Variants in CTNND2 observed in about 807,000 individuals in gnomAD.
CTNND2 encodes the protein catenin delta 2, also known as catenin delta-2.
Under a neutral mutation model 144.4 loss-of-function variants are expected in CTNND2, and 22 were observed. The observed-to-expected ratio is 0.15, with a 90% CI of 0.11 to 0.22. The LOEUF (loss-of-function observed/expected upper bound fraction) is 0.22, where lower values mean the gene tolerates loss of function less well. Ranked by LOEUF, CTNND2 falls within the 10% of genes least tolerant of loss-of-function variation. The pLI is 1.00. For synonymous variants in CTNND2, 751 were observed against 695.6 expected, an observed-to-expected ratio of 1.08 and a Z score of -1.25; for missense variants, 1,353 against 1,618.8, an observed-to-expected ratio of 0.84 and a Z score of 2.82.
chr5:11,419,801 T>C (rs1762221236), intron 3 of CTNND2, among the ~76,000 whole-genome samples: 2 of 152,242 alleles, frequency 1.3e-5, no homozygotes, highest in African/African-American at 2.4e-5. Flanking sequence ...TTACTAGAGA[T>C]ATTCCATCTG....
At chr5:11,861,517 T>A (rs1348138232) in intron 1 of CTNND2, among the ~76,000 whole-genome samples, 1 of 152,180 alleles carries the variant, frequency 6.6e-6, no homozygotes, top group Non-Finnish European at 1.5e-5. Context: ...CAGAAGATGA[T>A]CACCTCTCTC....
chr5:11,801,457 G>A (rs999138451), intron 1 of CTNND2, among the ~76,000 whole-genome samples: 1 of 152,130 alleles, frequency 6.6e-6, no homozygotes, highest in Non-Finnish European at 1.5e-5. Context: ...AATTTGAATA[G>A]GCACAGAGAT....
At position 11,117,668 on chromosome 5, in the gene CTNND2, T is replaced by C. The variant is rs1291321395; in HGVS notation, c.2160-101A>G. The stretch of plus-strand genomic sequence containing the variant: ...CATAGTTTGAAAGTAAATGCATTTT[T>C]CCCCACTTTTTCAGAATGCTTATCA... On this transcript the variant is annotated intron_variant, in intron 12 of 21. Coordinates refer to ENST00000304623, the MANE Select transcript of CTNND2 (RefSeq NM_001332.4). 7 of 885,940 alleles carry C rather than the reference T, an allele frequency of 7.9e-6. No homozygotes were observed. The African/African-American group carries it at 8.2e-5, about 10-fold the overall frequency. 54.9% of individuals were successfully genotyped at this position (885,940 alleles called of 1,614,324 possible).
At chr5:10,998,855 A>G (rs1739625848) in intron 18 of CTNND2, among the ~76,000 whole-genome samples, 1 of 152,250 alleles carries the variant, frequency 6.6e-6, no homozygotes, top group South Asian at 2.1e-4. Flanking sequence ...CGTAGGTTAT[A>G]TGCAAATACT....
intron 10 of CTNND2, among the ~76,000 whole-genome samples, chr5:11,207,636 C>G (rs1390985575): frequency 6.6e-6 from 1 of 152,074 alleles, no homozygotes; most frequent in Non-Finnish European, 1.5e-5. Context: ...AAGCAGAGGT[C>G]TCTCCTTAGG....
chr5:11,540,110 G>A (rs1581445831), intron 3 of CTNND2, among the ~76,000 whole-genome samples: 1 of 152,228 alleles, frequency 6.6e-6, no homozygotes, highest in East Asian at 1.9e-4. Flanking sequence ...TGGGTCAAAT[G>A]GCTGGAAATT....
intron 3 of CTNND2, among the ~76,000 whole-genome samples, chr5:11,537,077 T>TC (rs1774276969): frequency 6.6e-6 from 1 of 151,624 alleles, no homozygotes; most frequent in Non-Finnish European, 1.5e-5. Context: ...CAGCAATTAG[T>TC]CTCTAGTAAC....
intron 3 of CTNND2, among the ~76,000 whole-genome samples, chr5:11,486,615 TGAAG>T (rs1174106895): frequency 4.0e-5 from 6 of 150,648 alleles, no homozygotes; most frequent in African/African-American, 1.5e-4. Context: ...CCAGGAGGAA[TGAAG>T]GAAGAGCAGA....
intron 2 of CTNND2, among the ~76,000 whole-genome samples, chr5:11,723,103 T>C (rs1220367089): frequency 6.6e-6 from 1 of 152,152 alleles, no homozygotes; most frequent in Non-Finnish European, 1.5e-5. Flanking sequence ...CTGAAGATTT[T>C]CAACAAATAT....
At chr5:11,280,071 C>T (rs1746965297) in intron 9 of CTNND2, among the ~76,000 whole-genome samples, 1 of 152,120 alleles carries the variant, frequency 6.6e-6, no homozygotes, top group Non-Finnish European at 1.5e-5. Context: ...CAATAAGAGT[C>T]AAAGCCCATA....
Position 11,582,094 on chromosome 5 carries a change from A to G in CTNND2, c.175-17038T>C, listed in dbSNP as rs907680610. ...ACAGAATAGGCCACAGAATGAAGTG[A>G]GAGCCCATTTCTGCTCATCTGGTCT... On this transcript the variant is annotated intron_variant, in intron 2 of 21. Coordinates refer to ENST00000304623, the MANE Select transcript of CTNND2 (RefSeq NM_001332.4). Among the ~76,000 whole-genome samples the G allele has an allele frequency of 3.3e-5, 5 of 152,208 alleles. No homozygotes were observed. The South Asian group carries it at 6.2e-4, about 19-fold the overall frequency.
chr5:11,471,430 AAAGAGAATC>A (rs1175368278), intron 3 of CTNND2, among the ~76,000 whole-genome samples: 4 of 152,242 alleles, frequency 2.6e-5, no homozygotes, highest in African/African-American at 9.6e-5. Context: ...TTTCTTTAAC[AAAGAGAATC>A]AAGGACTGAT....
In CTNND2 at chr5:11,873,203, CA is replaced by C. The variant is rs549130185; in HGVS notation, c.37+30613del. 2.0e-4 allele frequency among the ~76,000 whole-genome samples: 30 copies of C among 151,996 alleles called. No individual in the cohort carries two copies. The East Asian group carries it at 5.6e-3, about 28-fold the overall frequency. ...TCTGTCCAAAACCCGTATATAGTAA[CA>C]AAAAAAGCAAAAGGTAGTTCCAAGA... On this transcript the variant is annotated intron_variant, in intron 1 of 21. Coordinates refer to ENST00000304623, the MANE Select transcript of CTNND2 (RefSeq NM_001332.4).
intron 8 of CTNND2, among the ~76,000 whole-genome samples, chr5:11,354,947 T>G (rs902400419): frequency 6.6e-6 from 1 of 152,162 alleles, no homozygotes; most frequent in Non-Finnish European, 1.5e-5. Flanking sequence ...AGAAAAACTT[T>G]GGAAACTTTA....
At chr5:11,026,819 AT>A (rs1170342817) in intron 16 of CTNND2, among the ~76,000 whole-genome samples, 2 of 152,228 alleles carry the variant, frequency 1.3e-5, no homozygotes, top group Admixed American at 6.5e-5. Context: ...GAGAGCAGCC[AT>A]TATGGAAATT....
At chr5:11,455,971 G>GA (rs1181864625) in intron 3 of CTNND2, among the ~76,000 whole-genome samples, 1 of 151,966 alleles carries the variant, frequency 6.6e-6, no homozygotes, top group Non-Finnish European at 1.5e-5. Flanking sequence ...ATTTATTTTG[G>GA]AAAAATGACA....
At chr5:11,598,407 G>T (rs1483608178) in intron 2 of CTNND2, among the ~76,000 whole-genome samples, 2 of 152,214 alleles carry the variant, frequency 1.3e-5, no homozygotes, top group Non-Finnish European at 1.5e-5. Flanking sequence ...CTCCAGGGGG[G>T]TCTCCTACCC....
chr5:11,022,906 G>A lies in CTNND2; in HGVS notation c.2862C>T (p.Ala954=), dbSNP rs756640834. Residue 954 remains alanine, a synonymous_variant, in exon 17 of 22, where the codon GCC becomes GCT. Coordinates refer to ENST00000304623, the MANE Select transcript of CTNND2 (RefSeq NM_001332.4). ...GNNSNNTASK[A]MSDDTVTAVC... ...CAGCTGTCACTGTGTCATCCGACAT[G>A]GCCTTGCTTGCAGTGTTGTTGCTGT... 6.2e-7 allele frequency: 1 copy of A among 1,614,222 alleles called. No homozygotes were observed. The highest frequency in any genetic ancestry group is 2.2e-5 in the East Asian group (1 of 44,884).
Position 11,430,353 on chromosome 5 carries a change from CA to C in CTNND2, c.288-18285del, listed in dbSNP as rs375334338. 9.3e-4 allele frequency among the ~76,000 whole-genome samples: 41 copies of C among 44,310 alleles called. No homozygotes were observed. The East Asian group carries it at 0.019, about 21-fold the overall frequency. The allele number at this position is 44,310 out of a possible 152,430, so 29.1% of individuals were successfully genotyped here. A position where few individuals can be genotyped will look rare whatever the true frequency, so the allele number is the denominator to read the frequency against. On this transcript the variant is annotated intron_variant, in intron 3 of 21. Transcript: ENST00000304623. ...TATAATGTTGGAATGGGACATGAAA[CA>C]AAAAAAAAATAATTCTTCCAAAGTC...
Sources: gnomAD v4.1 joint callset for allele counts (sites outside exome capture counted in the v4.1 genomes callset) on GRCh38, gnomAD v4.1.1 for gene constraint, MANE v1.5 for transcripts, NCBI Gene and HGNC (gene_info 2026-07-23, HGNC 2026-07-21) for gene names.